Variants in CLECL1 observed in about 807,000 individuals in gnomAD.
CLECL1 encodes C-type lectin like 1.
At chr12:9,730,214 G>A (rs1866430288) in intron 1 of CLECL1, among the ~76,000 whole-genome samples, 1 of 152,086 alleles carries the variant, frequency 6.6e-6, no homozygotes, top group South Asian at 2.1e-4. Context: ...CTAACCTCAG[G>A]TCTCTTGACT....
At chr12:9,734,292 G>C (rs1399891709), upstream of CLECL1, among the ~76,000 whole-genome samples, 1 of 152,158 alleles carries the variant, frequency 6.6e-6, no homozygotes, top group Non-Finnish European at 1.5e-5. Context: ...TTCTGACCCT[G>C]GATGAGGCTT....
At chr12:9,724,556 T>C (rs984619576) in intron 3 of CLECL1, among the ~76,000 whole-genome samples, 4 of 152,122 alleles carry the variant, frequency 2.6e-5, no homozygotes, top group African/African-American at 7.2e-5. Context: ...TTGAGAAATA[T>C]AGTAAAACAT....
downstream of CLECL1, among the ~76,000 whole-genome samples, chr12:9,714,793 T>A (rs1216767847): frequency 6.6e-6 from 1 of 152,198 alleles, no homozygotes; most frequent in Non-Finnish European, 1.5e-5. Context: ...TCTACAAACA[T>A]AACATGAAGT....
downstream of CLECL1, among the ~76,000 whole-genome samples, chr12:9,715,030 G>A (rs771482763): frequency 3.3e-5 from 5 of 152,242 alleles, no homozygotes; most frequent in South Asian, 1.0e-3. Context: ...CTTTGGGTCT[G>A]AGGGATTTGT....
At chr12:9,724,012 C>T (rs1866345854) in intron 3 of CLECL1, among the ~76,000 whole-genome samples, 1 of 151,442 alleles carries the variant, frequency 6.6e-6, no homozygotes, top group African/African-American at 2.4e-5. Context: ...CGGCAAAATC[C>T]CATTTCTACA....
At chr12:9,714,085 C>T (rs770740508), downstream of CLECL1, among the ~76,000 whole-genome samples, 23 of 152,160 alleles carry the variant, frequency 1.5e-4, no homozygotes, top group African/African-American at 4.3e-4. Context: ...AGTCTCTTGC[C>T]AGGCAAAAAC....
the CLECL1 span, among the ~76,000 whole-genome samples, chr12:9,705,673 A>C: frequency 2.6e-5 from 4 of 152,114 alleles, no homozygotes; most frequent in East Asian, 5.8e-4. Flanking sequence ...CCCATTGCTC[A>C]TTTTTGTCAG....
At chr12:9,719,532 A>C (rs1388439251), downstream of CLECL1, among the ~76,000 whole-genome samples, 1 of 152,136 alleles carries the variant, frequency 6.6e-6, no homozygotes, top group Non-Finnish European at 1.5e-5. Flanking sequence ...TCTCAAAAAC[A>C]AAAACAAAAC....
chr12:9,715,157 A>G (rs1591714167), downstream of CLECL1, among the ~76,000 whole-genome samples: 1 of 152,186 alleles, frequency 6.6e-6, no homozygotes, highest in South Asian at 2.1e-4. Context: ...AATGAATGAC[A>G]CAAGACCAGT....
chr12:9,716,024 TGG>T (rs1866235610), exon 3 of CLECL1: 2 of 152,362 alleles, frequency 1.3e-5, no homozygotes, highest in African/African-American at 4.8e-5. Flanking sequence ...AAAGACTTTC[TGG>T]CCCCTGGTTT....
chr12:9,724,492 T>G (rs1009497359), intron 3 of CLECL1, among the ~76,000 whole-genome samples: 8 of 152,180 alleles, frequency 5.3e-5, no homozygotes, highest in Admixed American at 5.2e-4. Flanking sequence ...GATGAAAAAA[T>G]AGGATACCTC....
At chr12:9,702,439 G>A in the CLECL1 span, among the ~76,000 whole-genome samples, 6 of 152,250 alleles carry the variant, frequency 3.9e-5, no homozygotes, top group South Asian at 1.2e-3. Flanking sequence ...TGGTGATGGG[G>A]CCTGTGGTTT....
upstream of CLECL1, chr12:9,733,412 G>A: frequency 1.8e-6 from 1 of 567,802 alleles, no homozygotes; most frequent in Non-Finnish European, 3.1e-6. Flanking sequence ...CGGAAACTCT[G>A]AATTTCCAGC....
intron 3 of CLECL1, among the ~76,000 whole-genome samples, chr12:9,726,471 GAA>G (rs1866381059): frequency 6.6e-6 from 1 of 151,948 alleles, no homozygotes; most frequent in Non-Finnish European, 1.5e-5. Context: ...GACAAAATGT[GAA>G]GTTAGGTGAA....
At chr12:9,734,284 C>G (rs2121074339), upstream of CLECL1, among the ~76,000 whole-genome samples, 1 of 152,314 alleles carries the variant, frequency 6.6e-6, no homozygotes, top group East Asian at 1.9e-4. Context: ...AGACCAACTT[C>G]TGACCCTGGA....
At chr12:9,728,337 A>T (rs1866405639) in intron 2 of CLECL1, among the ~76,000 whole-genome samples, 2 of 151,862 alleles carry the variant, frequency 1.3e-5, no homozygotes, top group Admixed American at 6.6e-5. Context: ...AACACAAGAT[A>T]CCATATTCAG....
chr12:9,724,269 C>T (rs1047640348), intron 3 of CLECL1, among the ~76,000 whole-genome samples: 1 of 150,244 alleles, frequency 6.7e-6, no homozygotes, highest in African/African-American at 2.4e-5. Flanking sequence ...TGTGAGAAAA[C>T]ACAGACTTCT....
chr12:9,717,319 C>T lies in CLECL1; in HGVS notation n.153-543G>A, dbSNP rs144240327. ...TGATGGCCGTAATGAGCAGAAACCC[C>T]GTAGTAGTCCAGGCAATTATGTCAG... On this transcript the variant is annotated intron_variant and non_coding_transcript_variant, in intron 2 of 2. Coordinates refer to the CLECL1 transcript ENST00000540988. Among the ~76,000 whole-genome samples the T allele has an allele frequency of 1.6e-4, 25 of 152,226 alleles. No individual in the cohort carries two copies. In the East Asian group the frequency reaches 4.8e-3, roughly 29 times the overall value.
chr12:9,730,862 T>C (rs902192708), intron 1 of CLECL1, among the ~76,000 whole-genome samples: 6 of 151,970 alleles, frequency 3.9e-5, no homozygotes, highest in African/African-American at 1.5e-4. Flanking sequence ...TTTTTAAAAT[T>C]TTTGGTAGGC....
Sources: allele counts gnomAD v4.1 joint callset (sites outside exome capture counted in the v4.1 genomes callset), GRCh38; gene constraint gnomAD v4.1.1; transcripts MANE v1.5; gene names NCBI Gene and HGNC (gene_info 2026-07-23, HGNC 2026-07-21).